TGFBR3: variants seen among roughly 807,000 people sequenced by gnomAD.
The protein encoded by TGFBR3 is transforming growth factor beta receptor 3.
Under a neutral mutation model 87.9 loss-of-function variants are expected in TGFBR3, and 46 were observed. The ratio of observed to expected loss-of-function variants is 0.52; its 90% CI spans 0.41 to 0.67. The LOEUF (loss-of-function observed/expected upper bound fraction) is 0.67, where lower values mean the gene tolerates loss of function less well. Ranked by LOEUF, TGFBR3 falls within the 30% of genes least tolerant of loss-of-function variation. The probability of loss-of-function intolerance (pLI) is 0.00; values close to 1 mark genes in which losing one functional copy is unlikely to be tolerated. For synonymous variants in TGFBR3, 381 were observed against 391.6 expected (o/e 0.97, Z 0.32); for missense variants, 866 against 1,041.9 (o/e 0.83, Z 2.32).
At chr1:91,790,363 G>C (rs771695647) in intron 3 of TGFBR3, among the ~76,000 whole-genome samples, 1 of 152,170 alleles carries the variant, frequency 6.6e-6, no homozygotes, top group Non-Finnish European at 1.5e-5. Flanking sequence ...TGCGTAGTAG[G>C]ACATACCATC....
At chr1:91,833,344 C>CCAG (rs1343551998) in intron 2 of TGFBR3, among the ~76,000 whole-genome samples, 1 of 138,772 alleles carries the variant, frequency 7.2e-6, no homozygotes, top group African/African-American at 2.7e-5. Flanking sequence ...GCCTGTAATA[C>CCAG]CAGCTACTAG....
At chr1:91,741,830 C>T (rs1338248305) in intron 4 of TGFBR3, among the ~76,000 whole-genome samples, 1 of 152,178 alleles carries the variant, frequency 6.6e-6, no homozygotes, top group Non-Finnish European at 1.5e-5. Context: ...CAGTAACTTT[C>T]TACCCTCCCA....
At chr1:91,861,020 G>A (rs1435475022) in intron 2 of TGFBR3, among the ~76,000 whole-genome samples, 2 of 148,974 alleles carry the variant, frequency 1.3e-5, no homozygotes, top group Non-Finnish European at 1.5e-5. Flanking sequence ...AGCAGCCTAT[G>A]TCAAGAGTGT....
intron 4 of TGFBR3, among the ~76,000 whole-genome samples, chr1:91,755,546 C>T (rs955634257): frequency 2.0e-5 from 3 of 152,174 alleles, no homozygotes; most frequent in Non-Finnish European, 2.9e-5. Context: ...CTGCCTCCCA[C>T]GTGTTGGTAA....
chr1:91,755,902 G>T (rs774623064), intron 4 of TGFBR3, among the ~76,000 whole-genome samples: 1 of 152,076 alleles, frequency 6.6e-6, no homozygotes, highest in Non-Finnish European at 1.5e-5. Context: ...CATAAATACA[G>T]ATGCAAATTC....
intron 14 of TGFBR3, among the ~76,000 whole-genome samples, chr1:91,700,349 C>T (rs960106221): frequency 6.6e-6 from 1 of 152,040 alleles, no homozygotes; most frequent in Non-Finnish European, 1.5e-5. Flanking sequence ...AAAATGTGAC[C>T]CAAACAAGCA....
intron 2 of TGFBR3, among the ~76,000 whole-genome samples, chr1:91,800,170 T>A (rs1028694520): frequency 2.0e-5 from 3 of 149,074 alleles, no homozygotes; most frequent in South Asian, 2.1e-4. Context: ...GGCAGGTGGA[T>A]CGCTTGAGCC....
intron 3 of TGFBR3, among the ~76,000 whole-genome samples, chr1:91,787,395 G>A (rs61781090): frequency 0.06 from 9,151 of 152,194 alleles, 292 homozygotes; most frequent in African/African-American, 0.076. Context: ...CTCACCCAGG[G>A]TCACACATGG....
rs755099836 is a variant in TGFBR3, at chr1:91,861,475, A to C, written c.57T>G (p.Thr19=). 48 of 1,610,816 alleles carry C rather than the reference A, an allele frequency of 3.0e-5. No individual in the cohort carries two copies. The highest frequency in any genetic ancestry group is 3.9e-5 in the Non-Finnish European group (46 of 1,177,114). Residue 19 remains threonine (T), a synonymous_variant, in exon 2 of 17, where the codon ACT becomes ACG. Coordinates refer to ENST00000212355, the MANE Select transcript of TGFBR3 (RefSeq NM_003243.5). Reference sequence around the variant, plus strand: ...AATTTATATTATGCAACTTACCTGCAGTGGCTAAACAGGAGCTCATCAGGG... The same window carrying C: ...AATTTATATTATGCAACTTACCTGCCGTGGCTAAACAGGAGCTCATCAGGG... ...IFALMSSCLA[T]AGPEPGALCE...
Position 91,831,434 on chromosome 1 carries a change from A to C in TGFBR3, c.61+30037T>G, listed in dbSNP as rs17881322. On this transcript the variant is annotated intron_variant, in intron 2 of 16. Coordinates refer to ENST00000212355, the MANE Select transcript of TGFBR3 (RefSeq NM_003243.5). Reference sequence around the variant, plus strand: ...AAGTGATCATTTAAAACTTAAGCAAAATTAAGGTTTACCATTCCCAGAAAC... The same window carrying C: ...AAGTGATCATTTAAAACTTAAGCAACATTAAGGTTTACCATTCCCAGAAAC... Among the ~76,000 whole-genome samples the C allele has an allele frequency of 3.6e-3, 501 of 138,198 alleles. 6 individuals are homozygous for C. Among genetic ancestry groups the C allele is most frequent in the African/African-American group, 0.012 (462 of 39,066 alleles). 90.7% of individuals were successfully genotyped at this position (138,198 alleles called of 152,430 possible).
At chr1:91,900,245 C>T (rs1679682982) in intron 1 of TGFBR3, among the ~76,000 whole-genome samples, 2 of 152,118 alleles carry the variant, frequency 1.3e-5, no homozygotes, top group African/African-American at 4.8e-5. Context: ...TCCCGAGTAC[C>T]TGGGACTACA....
chr1:91,731,680 C>T (rs1009226335), intron 5 of TGFBR3, among the ~76,000 whole-genome samples: 2 of 152,186 alleles, frequency 1.3e-5, no homozygotes, highest in Non-Finnish European at 2.9e-5. Flanking sequence ...GTCTGGAACT[C>T]AAGAGACTAG....
chr1:91,709,221 C>T (rs184869387), intron 13 of TGFBR3, among the ~76,000 whole-genome samples: 52 of 152,346 alleles, frequency 3.4e-4, no homozygotes, highest in Admixed American at 1.3e-3. Context: ...GACAAACCCA[C>T]TGTAAACTGA....
At position 91,794,901 on chromosome 1, in the gene TGFBR3, G is replaced by A. The variant is rs1675317472; in HGVS notation, c.246+2386C>T. 2.0e-5 allele frequency among the ~76,000 whole-genome samples: 3 copies of A among 152,228 alleles called. No homozygotes were observed. The South Asian group carries it at 6.2e-4, about 32-fold the overall frequency. ...ACTTCTCTCGGGTATATACCTAAGA[G>A]TGGAATTGCTGGGTCATGTGGTTCA... On this transcript the variant is annotated intron_variant, in intron 3 of 16. Transcript: ENST00000212355.
intron 2 of TGFBR3, among the ~76,000 whole-genome samples, chr1:91,836,371 C>T (rs1268239658): frequency 6.6e-6 from 1 of 152,214 alleles, no homozygotes; most frequent in South Asian, 2.1e-4. Flanking sequence ...CACAGTATCT[C>T]GTTAGATCTT....
At chr1:91,693,917 C>T (rs1671345834) in intron 16 of TGFBR3, among the ~76,000 whole-genome samples, 1 of 152,218 alleles carries the variant, frequency 6.6e-6, no homozygotes. Flanking sequence ...TTCTGTCTTT[C>T]TGGTCCTTTT....
chr1:91,900,595 A>C (rs1044855664), intron 1 of TGFBR3, among the ~76,000 whole-genome samples: 1 of 152,240 alleles, frequency 6.6e-6, no homozygotes, highest in African/African-American at 2.4e-5. Context: ...GAAAAGTATC[A>C]CATACAAGAA....
chr1:91,893,825 G>T (rs1231999804), intron 2 of TGFBR3, among the ~76,000 whole-genome samples: 1 of 151,290 alleles, frequency 6.6e-6, no homozygotes, highest in East Asian at 1.9e-4. Flanking sequence ...TCTTCAAAAA[G>T]CGTTCAGTCA....
At chr1:91,706,867 ATTC>A (rs1225417917) in intron 14 of TGFBR3, among the ~76,000 whole-genome samples, 9 of 152,208 alleles carry the variant, frequency 5.9e-5, no homozygotes, top group African/African-American at 2.2e-4. Context: ...CACAATTTAT[ATTC>A]TTATTTCTTT....
Sources: allele counts gnomAD v4.1 joint callset (sites outside exome capture counted in the v4.1 genomes callset), GRCh38; gene constraint gnomAD v4.1.1; transcripts MANE v1.5; gene names NCBI Gene and HGNC (gene_info 2026-07-23, HGNC 2026-07-21).